The following IL1RAPL1 variants were observed in gnomAD, a reference collection of about 807,000 sequenced individuals.
IL1RAPL1 encodes interleukin-1 receptor accessory protein-like 1.
Under a neutral mutation model 48.4 loss-of-function variants are expected in IL1RAPL1, and 3 were observed. That is an observed-to-expected ratio of 0.06 (90% CI 0.03 to 0.16). The LOEUF (loss-of-function observed/expected upper bound fraction) is 0.16, where lower values mean the gene tolerates loss of function less well. IL1RAPL1 is among the 10% of genes least tolerant of loss of function. IL1RAPL1 has a pLI of 1.00. For missense variants in IL1RAPL1, 349 were observed against 530.6 expected, an observed-to-expected ratio of 0.66 and a Z score of 3.36; for synonymous variants, 185 against 187.7, an observed-to-expected ratio of 0.99 and a Z score of 0.12.
chrX:28,737,227 CTTTCTTTCTTTCTT>C (rs1935851687), intron 1 of IL1RAPL1, among the ~76,000 whole-genome samples: 4 of 81,561 alleles, frequency 4.9e-5, no homozygotes, highest in Non-Finnish European at 9.4e-5. Context: ...TTCTTTCTTT[CTTTCTTTCTTTCTT>C]TCTTTCTTTC....
At chrX:29,709,921 T>C in intron 6 of IL1RAPL1, among the ~76,000 whole-genome samples, 1 of 112,224 alleles carries the variant, frequency 8.9e-6, no homozygotes, top group East Asian at 2.8e-4. Context: ...ACTGTTTTTA[T>C]TGCTATTAAA....
chrX:28,996,179 A>G (rs1925720976), intron 2 of IL1RAPL1, among the ~76,000 whole-genome samples: 1 of 111,322 alleles, frequency 9.0e-6, no homozygotes, highest in African/African-American at 3.3e-5. Flanking sequence ...GGATATGCTT[A>G]GTCTGGACAG....
At chrX:28,999,444 T>A (rs1925797710) in intron 2 of IL1RAPL1, among the ~76,000 whole-genome samples, 1 of 111,657 alleles carries the variant, frequency 9.0e-6, no homozygotes, top group African/African-American at 3.3e-5. Context: ...CTGAGTTAAT[T>A]TAGGCTCCAG....
intron 1 of IL1RAPL1, chrX:28,659,597 G>A: frequency 2.5e-6 from 1 of 406,207 alleles, no homozygotes; most frequent in East Asian, 4.3e-5. Flanking sequence ...GGTGGCGGTG[G>A]CGCGGCGGCG....
At chrX:29,252,110 T>A (rs866521267) in intron 2 of IL1RAPL1, among the ~76,000 whole-genome samples, 17 of 101,758 alleles carry the variant, frequency 1.7e-4, no homozygotes, top group Middle Eastern at 4.9e-3. Flanking sequence ...CTCTGGGGAC[T>A]GTTGTGGGGT....
At chrX:29,480,084 A>G (rs1221211559) in intron 5 of IL1RAPL1, among the ~76,000 whole-genome samples, 2 of 108,240 alleles carry the variant, frequency 1.8e-5, no homozygotes, top group Non-Finnish European at 3.8e-5. Context: ...ACAGAAATCA[A>G]TCTTTCTTTG....
intron 5 of IL1RAPL1, among the ~76,000 whole-genome samples, chrX:29,437,100 T>C (rs756283772): frequency 4.5e-4 from 50 of 111,397 alleles, no homozygotes; most frequent in Non-Finnish European, 7.8e-4. Flanking sequence ...ATTTAATTTT[T>C]ATTACTTCCT....
chrX:29,079,764 G>A (rs979396820), intron 2 of IL1RAPL1, among the ~76,000 whole-genome samples: 2 of 111,176 alleles, frequency 1.8e-5, no homozygotes, highest in African/African-American at 6.5e-5. Context: ...TAAGATTCCA[G>A]AAGGCAGTCG....
intron 2 of IL1RAPL1, among the ~76,000 whole-genome samples, chrX:29,277,187 T>C (rs1932133026): frequency 8.9e-6 from 1 of 112,115 alleles, no homozygotes; most frequent in Non-Finnish European, 1.9e-5. Context: ...CAGATTTTCT[T>C]GTAGGATGAC....
intron 5 of IL1RAPL1, among the ~76,000 whole-genome samples, chrX:29,548,129 A>G (rs748323848): frequency 8.9e-6 from 1 of 112,799 alleles, no homozygotes; most frequent in East Asian, 2.8e-4. Context: ...AGTCTGGCAA[A>G]TGAGATCTGA....
At chrX:28,889,986 T>G (rs1922734122) in intron 2 of IL1RAPL1, among the ~76,000 whole-genome samples, 1 of 111,888 alleles carries the variant, frequency 8.9e-6, no homozygotes, top group Non-Finnish European at 1.9e-5. Context: ...CAGTGTTTTA[T>G]TCTCCTAATC....
chrX:28,958,250 T>G (rs1924669522), intron 2 of IL1RAPL1, among the ~76,000 whole-genome samples: 1 of 111,566 alleles, frequency 9.0e-6, no homozygotes, highest in African/African-American at 3.3e-5. Context: ...ATTTGTATCC[T>G]TTAAGCAACA....
chrX:29,914,195 C>CTTCT (rs1398831303), intron 6 of IL1RAPL1, among the ~76,000 whole-genome samples: 1 of 112,022 alleles, frequency 8.9e-6, no homozygotes, highest in Admixed American at 9.5e-5. Flanking sequence ...AAGCAGATTG[C>CTTCT]TTCTTACATG....
Position 29,095,178 on chromosome X carries a change from T to C in IL1RAPL1, c.83-187760T>C, listed in dbSNP as rs751711262. Among the ~76,000 whole-genome samples the C allele has an allele frequency of 9.0e-5, 10 of 111,619 alleles. No individual in the cohort carries two copies. The South Asian group carries it at 3.7e-3, about 42-fold the overall frequency. On this transcript the variant is annotated intron_variant, in intron 2 of 10. Transcript: ENST00000378993. ...TAAAGGACAGATATGTTTTCTTTGA[T>C]TTCTTTTTCTCATAGACTTGTTTAT...
chrX:28,802,140 G>GA (rs1298738329), intron 2 of IL1RAPL1, among the ~76,000 whole-genome samples: 3 of 110,532 alleles, frequency 2.7e-5, no homozygotes, highest in Non-Finnish European at 5.7e-5. Context: ...TCTGTTAAGA[G>GA]AAAAAAAAAT....
chrX:29,831,578 CTTGGTTAAG>C, intron 6 of IL1RAPL1, among the ~76,000 whole-genome samples: 1 of 111,653 alleles, frequency 9.0e-6, no homozygotes, highest in African/African-American at 3.3e-5. Flanking sequence ...GAAATTTGGG[CTTGGTTAAG>C]ACTAAGCTTC....
At chrX:29,759,230 C>CA (rs1250363377) in intron 6 of IL1RAPL1, among the ~76,000 whole-genome samples, 1 of 112,002 alleles carries the variant, frequency 8.9e-6, no homozygotes, top group African/African-American at 3.2e-5. Flanking sequence ...AATGGTTATA[C>CA]ACGTGGTTGT....
intron 2 of IL1RAPL1, among the ~76,000 whole-genome samples, chrX:28,895,777 C>A (rs1476767858): frequency 9.0e-6 from 1 of 111,307 alleles, no homozygotes; most frequent in Non-Finnish European, 1.9e-5. Context: ...GACGGACTTA[C>A]CCTCCACTGT....
intron 1 of IL1RAPL1, among the ~76,000 whole-genome samples, chrX:28,692,037 G>A (rs1373927714): frequency 1.8e-5 from 2 of 111,352 alleles, no homozygotes; most frequent in African/African-American, 6.5e-5. Flanking sequence ...CATGTGCAGA[G>A]ACCACATGAT....
Sources: gnomAD v4.1 joint callset for allele counts (sites outside exome capture counted in the v4.1 genomes callset) on GRCh38, gnomAD v4.1.1 for gene constraint, MANE v1.5 for transcripts, NCBI Gene and HGNC (gene_info 2026-07-23, HGNC 2026-07-21) for gene names.